The following RIPOR2 variants were observed in gnomAD, a reference collection of about 807,000 sequenced individuals.
RIPOR2 encodes the protein rho family-interacting cell polarization regulator 2.
Under a neutral mutation model 114.5 loss-of-function variants are expected in RIPOR2, and 39 were observed. That is an observed-to-expected ratio of 0.34 (90% CI 0.26 to 0.44). RIPOR2 has a LOEUF of 0.44. RIPOR2 is among the 20% of genes least tolerant of loss of function. RIPOR2 has a pLI of 1.00. For missense variants in RIPOR2, 1,007 were observed against 1,255.1 expected (o/e 0.80, Z 2.99); for synonymous variants, 445 against 484.4 (o/e 0.92, Z 1.07).
chr6:25,025,221 A>C (rs1776550491), intron 1 of RIPOR2, among the ~76,000 whole-genome samples: 1 of 152,206 alleles, frequency 6.6e-6, no homozygotes, highest in African/African-American at 2.4e-5. Flanking sequence ...TGGGAGTTCT[A>C]AAAATTTGAT....
chr6:25,032,756 T>A (rs1777054207), intron 1 of RIPOR2, among the ~76,000 whole-genome samples: 1 of 152,208 alleles, frequency 6.6e-6, no homozygotes, highest in Admixed American at 6.5e-5. Flanking sequence ...TTTTTAATAT[T>A]TAAGTGGTTC....
At chr6:24,955,255 A>G (rs1772976151) in intron 1 of RIPOR2, among the ~76,000 whole-genome samples, 1 of 152,212 alleles carries the variant, frequency 6.6e-6, no homozygotes, top group Non-Finnish European at 1.5e-5. Context: ...CATAGTCCCA[A>G]GAGCCAGAAA....
At position 24,982,059 on chromosome 6, in the gene RIPOR2, C is replaced by T. The variant is rs1021111695; in HGVS notation, c.76+59792G>A. On this transcript the variant is annotated intron_variant, in intron 1 of 13. Coordinates refer to the RIPOR2 transcript ENST00000510784. ...TGAAAAATGACCCTAATCCAAGGTA[C>T]TTGTCTCAGTAGCAACCTTTTAAAG... Among the ~76,000 whole-genome samples the T allele has an allele frequency of 1.2e-4, 19 of 152,276 alleles. No individual in the cohort carries two copies. In the East Asian group the frequency reaches 2.9e-3, roughly 23 times the overall value.
chr6:24,920,615 G>C (rs1160663154), intron 1 of RIPOR2, among the ~76,000 whole-genome samples: 1 of 152,114 alleles, frequency 6.6e-6, no homozygotes, highest in Non-Finnish European at 1.5e-5. Context: ...TTATGTATAT[G>C]CTGCTTTATA....
intron 1 of RIPOR2, among the ~76,000 whole-genome samples, chr6:24,919,577 CT>C (rs1770324612): frequency 6.6e-6 from 1 of 152,182 alleles, no homozygotes; most frequent in South Asian, 2.1e-4. Flanking sequence ...CAGCCTCTTC[CT>C]TTCCTGACCC....
intron 1 of RIPOR2, among the ~76,000 whole-genome samples, chr6:25,039,015 C>T (rs1361452535): frequency 6.6e-6 from 1 of 152,192 alleles, no homozygotes; most frequent in African/African-American, 2.4e-5. Context: ...TCCCTCCTAT[C>T]GCCATTCAAG....
intron 1 of RIPOR2, among the ~76,000 whole-genome samples, chr6:24,947,425 G>A (rs1481934060): frequency 6.6e-6 from 1 of 152,174 alleles, no homozygotes; most frequent in African/African-American, 2.4e-5. Flanking sequence ...AACCCTGAAT[G>A]TACCTTCCTA....
chr6:24,969,147 G>A (rs115082969), intron 1 of RIPOR2, among the ~76,000 whole-genome samples: 262 of 152,242 alleles, frequency 1.7e-3, no homozygotes, highest in Non-Finnish European at 2.9e-3. Flanking sequence ...AGATCTTTGC[G>A]CCCCACCCAG....
At chr6:24,831,248 T>C (rs1002829161) in intron 16 of RIPOR2, among the ~76,000 whole-genome samples, 6 of 152,152 alleles carry the variant, frequency 3.9e-5, no homozygotes, top group African/African-American at 1.4e-4. Flanking sequence ...CTGTGAGTGA[T>C]AGGAAATACA....
At chr6:24,822,931 A>G (rs913082676) in intron 19 of RIPOR2, among the ~76,000 whole-genome samples, 2 of 152,260 alleles carry the variant, frequency 1.3e-5, no homozygotes, top group Admixed American at 6.5e-5. Flanking sequence ...GGAAGCAAAC[A>G]GAAGGCACAT....
intron 1 of RIPOR2, among the ~76,000 whole-genome samples, chr6:24,965,159 T>C (rs1335898381): frequency 1.3e-5 from 2 of 152,148 alleles, no homozygotes; most frequent in East Asian, 3.9e-4. Context: ...TATTTTATTT[T>C]TGGGAGACAG....
chr6:24,807,239 A>G (rs962551503), intron 21 of RIPOR2, among the ~76,000 whole-genome samples: 1 of 152,150 alleles, frequency 6.6e-6, no homozygotes, highest in Non-Finnish European at 1.5e-5. Context: ...AGCCAAGGTG[A>G]GTGGATCACT....
intron 6 of RIPOR2, 57 bp downstream of exon 6, chr6:24,869,037 G>T: frequency 9.9e-7 from 1 of 1,007,360 alleles, no homozygotes; most frequent in Non-Finnish European, 1.5e-6. Context: ...GCCCAAAGGT[G>T]TATTTGATTA....
At position 24,883,226 on chromosome 6, in the gene RIPOR2, G is replaced by T. The variant is rs1476507680; in HGVS notation, c.62-7409C>A. Among the ~76,000 whole-genome samples, 3 of 152,160 alleles carry T rather than the reference G, an allele frequency of 2.0e-5. No individual in the cohort carries two copies. The highest frequency in any genetic ancestry group is 7.2e-5 in the African/African-American group (3 of 41,430). On this transcript the variant is annotated intron_variant, in intron 1 of 21. Coordinates refer to ENST00000643898, the MANE Select transcript of RIPOR2 (RefSeq NM_001286445.3). This position sits in a 1 kb window ranked among gnomAD's most constrained non-coding sequence, Gnocchi z 4.1. ...TGAGACACATCTGTGATTTCTGAATGACATGAGTAAGGATATCTCAGTTCT... is the reference window on the plus strand; with the variant it reads ...TGAGACACATCTGTGATTTCTGAATTACATGAGTAAGGATATCTCAGTTCT...
chr6:24,969,745 C>A (rs966968400), intron 1 of RIPOR2, among the ~76,000 whole-genome samples: 1 of 152,126 alleles, frequency 6.6e-6, no homozygotes, highest in African/African-American at 2.4e-5. Context: ...AGCCATACAG[C>A]CACTGCCCTG....
chr6:24,910,943 C>T (rs1769507362), intron 1 of RIPOR2: 1 of 985,306 alleles, frequency 1.0e-6, no homozygotes, highest in South Asian at 4.7e-5. Flanking sequence ...CCTGAGCTGG[C>T]TCACTTGGGT....
intron 1 of RIPOR2, among the ~76,000 whole-genome samples, chr6:24,923,075 A>G (rs1770626917): frequency 6.6e-6 from 1 of 151,880 alleles, no homozygotes; most frequent in African/African-American, 2.4e-5. Flanking sequence ...CCGTCTATTT[A>G]TTGTTTCTAT....
At chr6:24,982,054 A>G (rs959746789) in intron 1 of RIPOR2, among the ~76,000 whole-genome samples, 1 of 152,208 alleles carries the variant, frequency 6.6e-6, no homozygotes, top group Non-Finnish European at 1.5e-5. Flanking sequence ...CCCTAATCCA[A>G]GGTACTTGTC....
intron 1 of RIPOR2, among the ~76,000 whole-genome samples, chr6:24,922,145 G>T (rs1290352918): frequency 6.6e-6 from 1 of 151,900 alleles, no homozygotes; most frequent in Admixed American, 6.6e-5. Context: ...TTCTTTAAAT[G>T]AATAATAATA....
Sources: allele counts gnomAD v4.1 joint callset (sites outside exome capture counted in the v4.1 genomes callset), GRCh38; gene constraint gnomAD v4.1.1; non-coding constraint Gnocchi (gnomAD v3.1); transcripts MANE v1.5; gene names NCBI Gene and HGNC (gene_info 2026-07-23, HGNC 2026-07-21).